The following FAM13A variants were observed in gnomAD, a reference collection of about 807,000 sequenced individuals.
FAM13A encodes the protein family with sequence similarity 13 member A.
A neutral mutation model predicts 129.6 loss-of-function variants in FAM13A; 76 were observed. The ratio of observed to expected loss-of-function variants is 0.59; its 90% confidence interval spans 0.49 to 0.71. The LOEUF is 0.71. FAM13A is among the 30% of genes least tolerant of loss of function. The pLI, the probability that FAM13A is intolerant of heterozygous loss-of-function variation, is 0.00. For missense variants in FAM13A, 1,108 were observed against 1,249.3 expected, an observed-to-expected ratio of 0.89 and a Z score of 1.70; for synonymous variants, 443 against 449.9, an observed-to-expected ratio of 0.98 and a Z score of 0.20.
chr4:88,992,893 C>T (rs1253591080), intron 3 of FAM13A, among the ~76,000 whole-genome samples: 4 of 149,822 alleles, frequency 2.7e-5, no homozygotes, highest in Admixed American at 6.7e-5. Context: ...AGTTGTACTG[C>T]CTACATAAGT....
intron 6 of FAM13A, among the ~76,000 whole-genome samples, chr4:88,875,796 T>C (rs1053942503): frequency 5.9e-5 from 9 of 152,186 alleles, no homozygotes; most frequent in African/African-American, 1.4e-4. Context: ...ATTGGATATA[T>C]ACCCAAAGGA....
chr4:88,748,535 C>T (rs953831768), intron 17 of FAM13A, among the ~76,000 whole-genome samples: 2 of 152,140 alleles, frequency 1.3e-5, no homozygotes. Context: ...ACTTTGTATT[C>T]TATTTAGTTG....
intron 5 of FAM13A, among the ~76,000 whole-genome samples, chr4:88,910,293 CTG>C (rs757963262): frequency 3.3e-5 from 5 of 152,258 alleles, no homozygotes; most frequent in Admixed American, 6.5e-5. Flanking sequence ...CTTAAACCAG[CTG>C]TGTCATGGTA....
In FAM13A at chr4:88,732,034, G is replaced by A. The variant is rs765813873; in HGVS notation, c.2811C>T (p.Asp937=). The change falls in exon 22 of 24, where the codon GAC becomes GAT. Residue 937 remains aspartate (D), a synonymous_variant. Coordinates refer to ENST00000264344, the MANE Select transcript of FAM13A (RefSeq NM_014883.4). ...DDKIPSKCSQ[D]TGLSNLHAAS... Reference sequence around the variant, plus strand: ...CAGCATGGAGATTTGAAAGCCCTGTGTCCTGGCTGCATTTTGATGGTATTT... The same window carrying A: ...CAGCATGGAGATTTGAAAGCCCTGTATCCTGGCTGCATTTTGATGGTATTT... The A allele has an allele frequency of 5.6e-6, 9 of 1,613,680 alleles. No homozygotes were observed. The South Asian group carries it at 8.8e-5, about 16-fold the overall frequency.
Position 88,832,017 on chromosome 4 carries a change from T to C in FAM13A, c.1007+19003A>G, listed in dbSNP as rs7691861. Reference sequence around the variant, plus strand: ...CAAGGCTGCAGTGACCAAAACAGCATGGTACTGGTACAAAAACAGACAAAT... The same window carrying C: ...CAAGGCTGCAGTGACCAAAACAGCACGGTACTGGTACAAAAACAGACAAAT... On this transcript the variant is annotated intron_variant, in intron 7 of 23. Transcript: ENST00000264344. Among the ~76,000 whole-genome samples the C allele has an allele frequency of 8.9e-3, 1,348 of 152,208 alleles. 14 individuals carry two copies. The highest frequency in any genetic ancestry group is 0.031 in the African/African-American group (1,302 of 41,516).
At chr4:88,870,069 C>CAG (rs1480028634) in intron 6 of FAM13A, among the ~76,000 whole-genome samples, 1 of 151,374 alleles carries the variant, frequency 6.6e-6, no homozygotes, top group Non-Finnish European at 1.5e-5. Flanking sequence ...ATCTAAAGCA[C>CAG]ATTATTTCTC....
chr4:88,946,573 G>C (rs1370031610), intron 4 of FAM13A, among the ~76,000 whole-genome samples: 1 of 152,016 alleles, frequency 6.6e-6, no homozygotes, highest in Non-Finnish European at 1.5e-5. Flanking sequence ...TAAGGAATCT[G>C]TGCAGTTGCT....
chr4:88,739,846 A>G (rs2149428810), intron 19 of FAM13A, among the ~76,000 whole-genome samples: 1 of 151,528 alleles, frequency 6.6e-6, no homozygotes, highest in Admixed American at 6.6e-5. Context: ...TTTCTCCTCT[A>G]TGAAATTATG....
chr4:88,751,844 G>A (rs1742690528), intron 14 of FAM13A, among the ~76,000 whole-genome samples: 1 of 152,180 alleles, frequency 6.6e-6, no homozygotes, highest in African/African-American at 2.4e-5. Context: ...GTGGATTACT[G>A]TGATTTACAC....
chr4:88,982,090 G>A (rs1761722499), intron 4 of FAM13A, among the ~76,000 whole-genome samples: 1 of 152,350 alleles, frequency 6.6e-6, no homozygotes, highest in South Asian at 2.1e-4. Context: ...TGGTCTGAGA[G>A]GCGGGTAGAG....
At chr4:88,952,738 G>A (rs986677579) in intron 4 of FAM13A, among the ~76,000 whole-genome samples, 8 of 151,684 alleles carry the variant, frequency 5.3e-5, no homozygotes, top group Admixed American at 2.6e-4. Context: ...CCTTGAGGTC[G>A]GGAGTTCAAG....
intron 6 of FAM13A, among the ~76,000 whole-genome samples, chr4:88,876,492 A>G (rs549258192): frequency 8.3e-4 from 127 of 152,324 alleles, no homozygotes; most frequent in Middle Eastern, 3.4e-3. Context: ...AAAACGATGT[A>G]AAACAGAATT....
chr4:89,041,621 T>C (rs1770140414), intron 1 of FAM13A, among the ~76,000 whole-genome samples: 1 of 152,136 alleles, frequency 6.6e-6, no homozygotes, highest in Non-Finnish European at 1.5e-5. Flanking sequence ...ACCAATTCTT[T>C]AAAAGGATAC....
chr4:88,858,433 T>G (rs1225974670), intron 6 of FAM13A, among the ~76,000 whole-genome samples: 1 of 152,226 alleles, frequency 6.6e-6, no homozygotes, highest in Admixed American at 6.5e-5. Context: ...GTAAAACATT[T>G]CATTTTGTAT....
chr4:88,859,884 T>C (rs1739203842), intron 6 of FAM13A, among the ~76,000 whole-genome samples: 1 of 149,550 alleles, frequency 6.7e-6, no homozygotes, highest in African/African-American at 2.4e-5. Context: ...GATTTCCAAG[T>C]GTGTCTTTTT....
At chr4:88,824,861 C>T (rs1375246615) in intron 7 of FAM13A, among the ~76,000 whole-genome samples, 1 of 152,076 alleles carries the variant, frequency 6.6e-6, no homozygotes, top group Non-Finnish European at 1.5e-5. Context: ...GCGCCCGCCA[C>T]CATGACTGGC....
chr4:88,909,715 G>A (rs1477172333), intron 5 of FAM13A, among the ~76,000 whole-genome samples: 3 of 152,080 alleles, frequency 2.0e-5, no homozygotes, highest in East Asian at 1.9e-4. Flanking sequence ...TCTATCTCTT[G>A]ACCTTGTGAT....
intron 6 of FAM13A, among the ~76,000 whole-genome samples, chr4:88,869,314 T>G (rs948531828): frequency 2.0e-5 from 3 of 152,292 alleles, no homozygotes; most frequent in Non-Finnish European, 4.4e-5. Context: ...TTGTCAATGG[T>G]TTTTCATTTC....
chr4:88,800,696 CAAAA>C (rs1185321303), intron 8 of FAM13A, among the ~76,000 whole-genome samples: 5 of 54,150 alleles, frequency 9.2e-5, no homozygotes, highest in Non-Finnish European at 1.5e-4. Flanking sequence ...GAAACAAAAA[CAAAA>C]AAAAAAAAAG....
Sources: gnomAD v4.1 joint callset for allele counts (sites outside exome capture counted in the v4.1 genomes callset) on GRCh38, gnomAD v4.1.1 for gene constraint, MANE v1.5 for transcripts, NCBI Gene and HGNC (gene_info 2026-07-23, HGNC 2026-07-21) for gene names.